The following ARHGEF7 variants were observed in gnomAD, a reference collection of about 807,000 sequenced individuals.
The protein encoded by ARHGEF7 is PAK-interacting exchange factor beta.
A neutral mutation model predicts 109.8 loss-of-function variants in ARHGEF7; 33 were observed. That is an observed-to-expected ratio of 0.30 (90% CI 0.23 to 0.40). The LOEUF (loss-of-function observed/expected upper bound fraction) is 0.40. ARHGEF7 is among the 10% of genes least tolerant of loss of function. ARHGEF7 has a pLI of 1.00. For missense variants in ARHGEF7, 938 were observed against 1,098.5 expected, an observed-to-expected ratio of 0.85 and a Z score of 2.07; for synonymous variants, 458 against 424.6, an observed-to-expected ratio of 1.08 and a Z score of -0.97.
chr13:111,250,567 G>A (rs982092163), intron 8 of ARHGEF7, among the ~76,000 whole-genome samples: 2 of 152,138 alleles, frequency 1.3e-5, no homozygotes, highest in African/African-American at 2.4e-5. Flanking sequence ...ACGAGAGGAG[G>A]TTTTTCCTCA....
chr13:111,169,309 T>A (rs928157994), intron 2 of ARHGEF7, among the ~76,000 whole-genome samples: 4 of 152,176 alleles, frequency 2.6e-5, no homozygotes, highest in Non-Finnish European at 5.9e-5. Context: ...TTTAATGGGC[T>A]CATGGTTCCA....
chr13:111,118,013 T>C (rs914342139), intron 1 of ARHGEF7, among the ~76,000 whole-genome samples: 2 of 152,272 alleles, frequency 1.3e-5, no homozygotes, highest in African/African-American at 4.8e-5. Flanking sequence ...TGAATGTTCA[T>C]GTGGACATGA....
chr13:111,166,175 G>GT (rs909706060), intron 2 of ARHGEF7, among the ~76,000 whole-genome samples: 6 of 152,114 alleles, frequency 3.9e-5, no homozygotes, highest in African/African-American at 1.2e-4. Context: ...TCTCCAGACT[G>GT]TTTTTTTCTG....
At chr13:111,234,086 T>A (rs1388042202) in intron 6 of ARHGEF7, among the ~76,000 whole-genome samples, 3 of 152,240 alleles carry the variant, frequency 2.0e-5, no homozygotes, top group Non-Finnish European at 4.4e-5. Context: ...TGTTTTGTTA[T>A]TTCTTCCCCT....
intron 8 of ARHGEF7, among the ~76,000 whole-genome samples, chr13:111,256,687 C>A (rs916005006): frequency 6.6e-6 from 1 of 152,206 alleles, no homozygotes; most frequent in East Asian, 1.9e-4. Flanking sequence ...TTTTAGAAAC[C>A]TTTAGTGTAT....
intron 11 of ARHGEF7, among the ~76,000 whole-genome samples, chr13:111,275,096 A>G (rs531609820): frequency 1.3e-5 from 2 of 152,292 alleles, no homozygotes; most frequent in South Asian, 4.1e-4. Context: ...TGGTGGTTCC[A>G]TTTTCTCTGC....
chr13:111,168,205 TC>T (rs2077285864), intron 2 of ARHGEF7, among the ~76,000 whole-genome samples: 8 of 152,170 alleles, frequency 5.3e-5, no homozygotes, highest in Admixed American at 4.6e-4. Context: ...GTGCTAGCCC[TC>T]CCCTGTGCCT....
At position 111,153,856 on chromosome 13, in the gene ARHGEF7, C is replaced by T. The variant is rs200625094; in HGVS notation, c.166-49C>T. On this transcript the variant is annotated intron_variant, in intron 1 of 21. Transcript: ENST00000646102. ...GGGCGTCGCTCGGCCTTGTCCGCGGCGTCCCCGCTGCCGGCCACGGCGCTC... is the reference window on the plus strand; with the variant it reads ...GGGCGTCGCTCGGCCTTGTCCGCGGTGTCCCCGCTGCCGGCCACGGCGCTC... 3 of 1,573,534 alleles carry T rather than the reference C, an allele frequency of 1.9e-6. No individual in the cohort carries two copies. The South Asian group carries it at 3.4e-5, about 18-fold the overall frequency.
chr13:111,241,738 T>C (rs751053618), intron 6 of ARHGEF7, among the ~76,000 whole-genome samples: 3 of 152,178 alleles, frequency 2.0e-5, no homozygotes, highest in Non-Finnish European at 4.4e-5. Context: ...TTATCTCACA[T>C]AGGAACATTT....
At position 111,240,371 on chromosome 13, in the gene ARHGEF7, A is replaced by G. The variant is rs148969303; in HGVS notation, c.760-3501A>G. ...TAAAAGCATTTATGTGGTCTCTCCA[A>G]ACTTTTTTTGAGAACTAACGTTCCG... On this transcript the variant is annotated intron_variant, in intron 6 of 21. Transcript: ENST00000646102. Among the ~76,000 whole-genome samples the G allele has an allele frequency of 3.1e-3, 477 of 152,116 alleles. 4 individuals are homozygous for G. Among genetic ancestry groups the G allele is most frequent in the African/African-American group, 0.011 (453 of 41,364 alleles).
chr13:111,115,288 CG>C (rs1307420841), upstream of ARHGEF7: 2 of 150,254 alleles, frequency 1.3e-5, no homozygotes, highest in African/African-American at 2.4e-5. Flanking sequence ...CGGCCGAGGC[CG>C]GGGGGCGGCG....
At chr13:111,292,657 A>G (rs2093325749) in intron 19 of ARHGEF7, 8 of 1,112,188 alleles carry the variant, frequency 7.2e-6, no homozygotes, top group Non-Finnish European at 8.8e-6. Flanking sequence ...ATACAGCTGT[A>G]TGAACACTTT....
chr13:111,120,412 T>C (rs2067105191), intron 1 of ARHGEF7, among the ~76,000 whole-genome samples: 1 of 152,098 alleles, frequency 6.6e-6, no homozygotes, highest in Admixed American at 6.5e-5. Flanking sequence ...CACACGAACT[T>C]ATGCACACAC....
chr13:111,304,306 G>A lies in ARHGEF7; in HGVS notation c.*1193G>A, dbSNP rs1347146091. 1.3e-5 allele frequency: 2 copies of A among 152,242 alleles called. No homozygotes were observed. Among genetic ancestry groups the A allele is most frequent in the East Asian group, 1.9e-4 (1 of 5,192 alleles). The allele number at this position is 152,242 out of a possible 1,614,324, so 9.4% of individuals were successfully genotyped here. On this transcript the variant is annotated 3_prime_UTR_variant, in exon 22 of 22. Transcript: ENST00000646102. Reference sequence around the variant, plus strand: ...GGCCCAGGCTGGCTCTGGAAAGCCTGTGCGGTCCTGGGCAGGAAGCCCGGC... The same window carrying A: ...GGCCCAGGCTGGCTCTGGAAAGCCTATGCGGTCCTGGGCAGGAAGCCCGGC...
At position 111,201,856 on chromosome 13, in the gene ARHGEF7, C is replaced by G. The variant is rs145951757; in HGVS notation, c.253-3433C>G. ...TTGTGTTGTGCGGTTCAGTGTTAGA[C>G]CATGGGAACTCCCCTCCCCGCCACT... On this transcript the variant is annotated intron_variant, in intron 2 of 21. Transcript: ENST00000646102. Among the ~76,000 whole-genome samples, 1,119 of 152,236 alleles carry G rather than the reference C, an allele frequency of 7.4e-3. 11 individuals carry two copies. Among genetic ancestry groups the G allele is most frequent in the African/African-American group, 0.025 (1,059 of 41,540 alleles).
intron 1 of ARHGEF7, among the ~76,000 whole-genome samples, chr13:111,133,723 A>G (rs868070988): frequency 3.3e-4 from 46 of 138,490 alleles, no homozygotes; most frequent in Admixed American, 2.8e-3. Context: ...AGAGTTCCTG[A>G]TTTCGTAGGA....
chr13:111,120,427 G>T (rs1354518392), intron 1 of ARHGEF7, among the ~76,000 whole-genome samples: 1 of 152,094 alleles, frequency 6.6e-6, no homozygotes, highest in African/African-American at 2.4e-5. Context: ...ACACACGCAT[G>T]CATGCCTGCA....
At chr13:111,215,362 TA>T (rs2082996005) in intron 4 of ARHGEF7, among the ~76,000 whole-genome samples, 1 of 117,310 alleles carries the variant, frequency 8.5e-6, no homozygotes, top group Non-Finnish European at 1.9e-5. Context: ...TGTCTCTAAA[TA>T]AAGTGCCCTT....
intron 2 of ARHGEF7, among the ~76,000 whole-genome samples, chr13:111,169,539 A>G (rs574499377): frequency 1.9e-4 from 29 of 152,246 alleles, no homozygotes; most frequent in African/African-American, 6.5e-4. Flanking sequence ...TCTGCCCCTC[A>G]CGATCCAGTC....
Sources: allele counts gnomAD v4.1 joint callset (sites outside exome capture counted in the v4.1 genomes callset), GRCh38; gene constraint gnomAD v4.1.1; transcripts MANE v1.5; gene names NCBI Gene and HGNC (gene_info 2026-07-23, HGNC 2026-07-21).